The following SUN3 variants were observed in gnomAD, a reference collection of about 807,000 sequenced individuals.
SUN3 encodes Sad1 and UNC84 domain containing 3, also known as SUN domain-containing protein 3.
A neutral mutation model predicts 48.2 loss-of-function variants in SUN3; 36 were observed. That is an observed-to-expected ratio of 0.75 (90% confidence interval 0.57 to 0.99). The LOEUF is 0.99. SUN3 is among the 50% of genes least tolerant of loss of function. The pLI is 0.00. For missense variants in SUN3, 419 were observed against 433.1 expected (o/e 0.97, Z 0.29); for synonymous variants, 148 against 147.9 (o/e 1.00, Z 0.00).
rs183336917 is a variant in SUN3, at chr7:48,010,736, G to T, written c.289-1661C>A. On this transcript the variant is annotated intron_variant, in intron 3 of 9. Coordinates refer to ENST00000297325, the MANE Select transcript of SUN3 (RefSeq NM_001030019.2). ...GCTCACACTTCAGGCACCCAACAGA[G>T]AACTCAAAGGGACCCTATGAGTTTC... 5.3e-5 allele frequency among the ~76,000 whole-genome samples: 8 copies of T among 152,224 alleles called. No individual in the cohort carries two copies. In the East Asian group the frequency reaches 1.5e-3, roughly 29 times the overall value.
At chr7:48,018,971 T>C (rs1452489201) in intron 2 of SUN3, among the ~76,000 whole-genome samples, 1 of 152,088 alleles carries the variant, frequency 6.6e-6, no homozygotes, top group Non-Finnish European at 1.5e-5. Flanking sequence ...AATGAGAATA[T>C]TGATTAAAAT....
chr7:48,021,761 T>C (rs139317962), intron 2 of SUN3, among the ~76,000 whole-genome samples: 2 of 152,212 alleles, frequency 1.3e-5, no homozygotes, highest in African/African-American at 2.4e-5. Context: ...ACCCAAAAGA[T>C]AGGCAATAAC....
At chr7:48,004,427 C>G (rs745381822) in intron 6 of SUN3, among the ~76,000 whole-genome samples, 1 of 152,196 alleles carries the variant, frequency 6.6e-6, no homozygotes, top group African/African-American at 2.4e-5. Context: ...TCCTCAAAAC[C>G]TTTACTACAG....
intron 9 of SUN3, 143 bp downstream of exon 9, chr7:47,988,645 G>T: frequency 2.2e-6 from 1 of 460,004 alleles, no homozygotes. Flanking sequence ...AGCACTTCGA[G>T]CTCAGAATTG....
At chr7:47,995,758 T>C (rs574499639) in intron 7 of SUN3, among the ~76,000 whole-genome samples, 3 of 152,176 alleles carry the variant, frequency 2.0e-5, no homozygotes, top group Non-Finnish European at 4.4e-5. Flanking sequence ...AGAAAAGACA[T>C]GGAATGTATA....
upstream of SUN3, among the ~76,000 whole-genome samples, chr7:48,030,570 G>A (rs1790242153): frequency 6.6e-6 from 1 of 152,120 alleles, no homozygotes; most frequent in Non-Finnish European, 1.5e-5. Context: ...CCTTAAACAT[G>A]TATCTTGGAA....
chr7:48,004,840 C>T (rs925419084), intron 6 of SUN3, among the ~76,000 whole-genome samples: 5 of 152,348 alleles, frequency 3.3e-5, no homozygotes, highest in Middle Eastern at 3.4e-3. Context: ...TTTGGTTCCC[C>T]TCTACCAACT....
At chr7:48,030,972 A>T (rs1583790139), upstream of SUN3, among the ~76,000 whole-genome samples, 1 of 152,326 alleles carries the variant, frequency 6.6e-6, no homozygotes, top group East Asian at 1.9e-4. Flanking sequence ...CTTACACCAT[A>T]CCCAAATAAT....
intron 3 of SUN3, among the ~76,000 whole-genome samples, chr7:48,010,108 C>G (rs115279563): frequency 0.011 from 1,640 of 152,262 alleles, 18 homozygotes; most frequent in African/African-American, 0.037. Context: ...CACAAACACA[C>G]ACACTCCACA....
chr7:48,013,767 G>T (rs1455239431), intron 3 of SUN3, among the ~76,000 whole-genome samples: 1 of 152,176 alleles, frequency 6.6e-6, no homozygotes, highest in Non-Finnish European at 1.5e-5. Flanking sequence ...GAGCTCAGGA[G>T]ATTGAGAAAC....
At chr7:48,035,380 T>C in the SUN3 span, 2 of 617,874 alleles carry the variant, frequency 3.2e-6, no homozygotes, top group Non-Finnish European at 5.8e-6. The surrounding 1 kb of genome is among the most constrained non-coding windows in gnomAD (Gnocchi z 4.0). Flanking sequence ...TACGGGCAGT[T>C]GACAGGCGGC....
chr7:48,034,163 G>A, the SUN3 span, among the ~76,000 whole-genome samples: 464 of 152,312 alleles, frequency 3.0e-3, 8 homozygotes, highest in African/African-American at 0.01. Context: ...TAACCTAAGA[G>A]CGTGTATATG....
In SUN3 at chr7:48,001,522, G is replaced by GTTTTTTTTTTTT. The variant is rs1286421253; in HGVS notation, c.577+4446_577+4447insAAAAAAAAAAAA. Among the ~76,000 whole-genome samples the GTTTTTTTTTTTT allele has an allele frequency of 2.5e-4, 30 of 121,886 alleles. 4 individuals carry two copies. Among genetic ancestry groups the GTTTTTTTTTTTT allele is most frequent in the Non-Finnish European group, 4.1e-4 (24 of 58,774 alleles). 80.0% of individuals were successfully genotyped at this position (121,886 alleles called of 152,430 possible). The stretch of plus-strand genomic sequence containing the variant: ...TTTAGGTTGGTTCCATGTCTTTTCT[G>GTTTTTTTTTTTT]TTTTTTTTGTTTTTTTTTTTTTTTT... On this transcript the variant is annotated intron_variant, in intron 6 of 9. Coordinates refer to ENST00000297325, the MANE Select transcript of SUN3 (RefSeq NM_001030019.2).
chr7:48,007,172 T>G lies in SUN3; in HGVS notation c.485A>C (p.His162Pro). 1.2e-6 allele frequency: 2 copies of G among 1,613,138 alleles called. No homozygotes were observed. Among genetic ancestry groups the G allele is most frequent in the African/African-American group, 1.3e-5 (1 of 74,906 alleles). Residue 162 changes from histidine (H) to proline (P), a missense_variant, in exon 5 of 10, where the codon CAC becomes CCC. Transcript: ENST00000297325. ...THGDPVEDPD[H>P]TEEVSNLVNY... ...CCTAGCCTCATCCAGGACCTCTGTGTGGTCCGGGTCCTCCACAGGGTCTCC... is the reference window on the plus strand; with the variant it reads ...CCTAGCCTCATCCAGGACCTCTGTGGGGTCCGGGTCCTCCACAGGGTCTCC...
At chr7:47,995,582 A>C (rs551138508) in intron 7 of SUN3, among the ~76,000 whole-genome samples, 13 of 152,274 alleles carry the variant, frequency 8.5e-5, no homozygotes, top group African/African-American at 2.9e-4. Flanking sequence ...TTTGGTGGGG[A>C]TCTTACTTGG....
At chr7:47,998,215 A>G (rs1789264365) in intron 6 of SUN3, among the ~76,000 whole-genome samples, 2 of 152,228 alleles carry the variant, frequency 1.3e-5, no homozygotes, top group South Asian at 4.1e-4. Context: ...CATTTTGTTC[A>G]TGCGGTTGCC....
the SUN3 span, chr7:48,035,769 C>CACAG: frequency 3.4e-6 from 2 of 584,320 alleles, no homozygotes; most frequent in Non-Finnish European, 6.1e-6. This position sits in a 1 kb window ranked among gnomAD's most constrained non-coding sequence, Gnocchi z 4.0. Context: ...TTGGGATGAG[C>CACAG]ACAGGGCGGG....
At chr7:48,029,673 C>T (rs1562617460), upstream of SUN3, among the ~76,000 whole-genome samples, 1 of 152,132 alleles carries the variant, frequency 6.6e-6, no homozygotes, top group Non-Finnish European at 1.5e-5. Flanking sequence ...AGGAATAATG[C>T]TCATTGCACG....
intron 9 of SUN3, 69 bp from the exon 10 acceptor site, chr7:47,987,518 G>C: frequency 7.4e-7 from 1 of 1,348,416 alleles, no homozygotes; most frequent in Non-Finnish European, 9.8e-7. Context: ...AATGAATACT[G>C]ATATAATTTT....
Sources: allele counts gnomAD v4.1 joint callset (sites outside exome capture counted in the v4.1 genomes callset), GRCh38; gene constraint gnomAD v4.1.1; non-coding constraint Gnocchi (gnomAD v3.1); transcripts MANE v1.5; gene names NCBI Gene and HGNC (gene_info 2026-07-23, HGNC 2026-07-21).